U2SURP: variants seen among roughly 807,000 people sequenced by gnomAD.
U2SURP encodes the protein U2 snRNP associated SURP domain containing, also known as U2 snRNP-associated SURP motif-containing protein.
U2SURP carries 9 observed loss-of-function variants against 144.9 expected under a neutral mutation model. That is an observed-to-expected ratio of 0.06 (90% confidence interval 0.04 to 0.11). The LOEUF (loss-of-function observed/expected upper bound fraction) is 0.11. Ranked by LOEUF, U2SURP falls within the 10% of genes least tolerant of loss-of-function variation. U2SURP has a pLI of 1.00. For synonymous variants in U2SURP, 408 were observed against 396.8 expected, an observed-to-expected ratio of 1.03 and a Z score of -0.33; for missense variants, 724 against 1,226.7, an observed-to-expected ratio of 0.59 and a Z score of 6.12.
intron 23 of U2SURP, among the ~76,000 whole-genome samples, chr3:143,041,779 C>G (rs1225237985): frequency 6.6e-6 from 1 of 151,704 alleles, no homozygotes; most frequent in Admixed American, 6.6e-5. Context: ...TCCTTAGTAC[C>G]CAAATACCAA....
intron 27 of U2SURP, among the ~76,000 whole-genome samples, chr3:143,055,501 G>T (rs190316167): frequency 9.2e-5 from 14 of 152,170 alleles, no homozygotes; most frequent in African/African-American, 3.1e-4. Flanking sequence ...TTCTTGGGTA[G>T]ATATTTTTGG....
intron 23 of U2SURP, among the ~76,000 whole-genome samples, chr3:143,041,642 A>G (rs185206546): frequency 3.6e-4 from 55 of 152,130 alleles, no homozygotes; most frequent in Non-Finnish European, 5.6e-4. Context: ...CTCTCATACA[A>G]TGAAGGTCTT....
chr3:143,041,032 A>G (rs1177054264), intron 23 of U2SURP, among the ~76,000 whole-genome samples: 1 of 151,848 alleles, frequency 6.6e-6, no homozygotes, highest in Non-Finnish European at 1.5e-5. Flanking sequence ...TGGTAAACAT[A>G]CAAGGATGTT....
chr3:143,050,562 G>A (rs1435219410), intron 24 of U2SURP, among the ~76,000 whole-genome samples: 2 of 152,084 alleles, frequency 1.3e-5, no homozygotes, highest in Non-Finnish European at 2.9e-5. Context: ...TCCCATCCCC[G>A]CCTCTTTTTT....
Position 143,033,435 on chromosome 3 carries a change from C to T in U2SURP, c.1853+85C>T. The T allele has an allele frequency of 5.5e-6, 4 of 729,042 alleles. 1 individual carries two copies. In the African/African-American group the frequency reaches 7.2e-5, roughly 13 times the overall value. The allele number at this position is 729,042 out of a possible 1,614,324, so 45.2% of individuals were successfully genotyped here. ...GAAAAGAGGATTGTTTTGTTAACAT[C>T]CTGCAAGAATAAGAAGTACAGTCAG... is the stretch of plus-strand genomic sequence containing the variant. On this transcript the variant is annotated intron_variant, in intron 18 of 27. Coordinates refer to ENST00000473835, the MANE Select transcript of U2SURP (RefSeq NM_001080415.2).
intron 16 of U2SURP, among the ~76,000 whole-genome samples, 178 bp from the exon 17 acceptor site, chr3:143,032,606 A>C (rs1344726771): frequency 2.6e-5 from 4 of 152,208 alleles, no homozygotes; most frequent in Non-Finnish European, 5.9e-5. Context: ...TCTTATATAA[A>C]TTCTTCAAAA....
At chr3:143,055,169 A>T (rs1361826773) in intron 27 of U2SURP, 50 bp downstream of exon 27, 1 of 1,435,192 alleles carries the variant, frequency 7.0e-7, no homozygotes, top group East Asian at 2.7e-5. Context: ...TTTCCTTGTC[A>T]TTTCATCAGC....
rs1213996432 is a variant in U2SURP, at chr3:143,032,934, C to T, written c.1761C>T (p.Pro587=). 1.2e-6 allele frequency: 2 copies of T among 1,610,948 alleles called. No individual in the cohort carries two copies. The highest frequency in any genetic ancestry group is 1.1e-5 in the South Asian group (1 of 90,080). Residue 587 remains proline, a synonymous_variant, in exon 17 of 28, where the codon CCC becomes CCT. Transcript: ENST00000473835. The stretch of plus-strand genomic sequence containing the variant: ...AGTCGTTGTCCATCTTAAAGACACC[C>T]CTTCCTAAAAAGGTATGGGAATGAA... ...ITESLSILKT[P]LPKKIARLYL... is the part of the protein sequence containing the mutation.
chr3:143,054,969 G>C lies in U2SURP; in HGVS notation c.2801G>C (p.Ser934Thr). Reference sequence around the variant, plus strand: ...AAGAGGCGACACAGTACATCCCCCAGCCCATCTCGCAGTAGCAGTGGTAGA... The same window carrying C: ...AAGAGGCGACACAGTACATCCCCCACCCCATCTCGCAGTAGCAGTGGTAGA... ...ERKRRHSTSP[S>T]PSRSSSGRRV... Residue 934 changes from serine (S) to threonine (T), a missense_variant, in exon 27 of 28, where the codon AGC becomes ACC. Physicochemically the swap from Ser to Thr is moderately conservative, Grantham distance 58. Transcript: ENST00000473835. The C allele has an allele frequency of 6.2e-7, 1 of 1,609,068 alleles. No homozygotes were observed. Among genetic ancestry groups the C allele is most frequent in the Non-Finnish European group, 8.5e-7 (1 of 1,178,020 alleles).
chr3:143,032,096 G>A (rs1024062316), intron 16 of U2SURP, among the ~76,000 whole-genome samples: 4 of 151,542 alleles, frequency 2.6e-5, no homozygotes, highest in African/African-American at 7.3e-5. Flanking sequence ...CCCCTGAGAT[G>A]GAGTGTTGCT....
chr3:143,022,340 G>A (rs1261603275), intron 10 of U2SURP, among the ~76,000 whole-genome samples, 157 bp from the exon 11 acceptor site: 3 of 152,168 alleles, frequency 2.0e-5, no homozygotes, highest in East Asian at 1.9e-4. Context: ...AATGCCCCAC[G>A]CGGGATTTTA....
At chr3:143,002,193 G>A (rs1935569874) in intron 1 of U2SURP, 2 of 196,830 alleles carry the variant, frequency 1.0e-5, no homozygotes, top group Non-Finnish European at 2.1e-5. Context: ...AGTGGGAAAT[G>A]CAGAGGCGGG....
At chr3:143,017,140 T>G (rs1936411901) in intron 6 of U2SURP, 165 bp downstream of exon 6, 1 of 514,568 alleles carries the variant, frequency 1.9e-6, no homozygotes, top group Non-Finnish European at 3.2e-6. Flanking sequence ...AGATGAGAGT[T>G]AATGAATTGG....
chr3:143,036,699 T>C (rs1421459552), intron 20 of U2SURP, among the ~76,000 whole-genome samples: 1 of 152,174 alleles, frequency 6.6e-6, no homozygotes, highest in Non-Finnish European at 1.5e-5. Flanking sequence ...TCCTTCCCTC[T>C]TTCTGGGACT....
chr3:143,033,421 TG>T, intron 18 of U2SURP, 71 bp downstream of exon 18: 1 of 828,714 alleles, frequency 1.2e-6, no homozygotes, highest in Non-Finnish European at 1.9e-6. Context: ...AAAAGAGGAT[TG>T]TTTTGTTAAC....
intron 23 of U2SURP, among the ~76,000 whole-genome samples, chr3:143,040,020 CAG>C (rs539451330): frequency 9.4e-4 from 143 of 151,976 alleles, no homozygotes; most frequent in African/African-American, 3.4e-3. Context: ...TGCTTTAAAA[CAG>C]TGGTTTTCTG....
chr3:143,017,885 A>C (rs371441099), intron 6 of U2SURP, among the ~76,000 whole-genome samples: 26 of 152,024 alleles, frequency 1.7e-4, no homozygotes, highest in African/African-American at 5.8e-4. Flanking sequence ...TTGCCTCCCA[A>C]AGTGCTGGGA....
At chr3:143,041,792 T>A (rs184520004) in intron 23 of U2SURP, among the ~76,000 whole-genome samples, 1 of 152,032 alleles carries the variant, frequency 6.6e-6, no homozygotes, top group East Asian at 1.9e-4. Flanking sequence ...AATACCAACA[T>A]AGAAGGGCTT....
Position 143,027,385 on chromosome 3 carries a change from G to C in U2SURP, c.1379+132G>C. ...CAACCATCACCACCATCCATCTCCA[G>C]AACTTTTTTCATCTTCCAAAATGGA... On this transcript the variant is annotated intron_variant, in intron 14 of 27. Transcript: ENST00000473835. 7.6e-6 allele frequency: 5 copies of C among 659,260 alleles called. 1 individual carries two copies. In the South Asian group the frequency reaches 1.2e-4, roughly 15 times the overall value. The allele number at this position is 659,260 out of a possible 1,614,324, so 40.8% of individuals were successfully genotyped here. A position where few individuals can be genotyped will look rare whatever the true frequency, so the allele number is the denominator to read the frequency against.
Sources: gnomAD v4.1 joint callset for allele counts (sites outside exome capture counted in the v4.1 genomes callset) on GRCh38, gnomAD v4.1.1 for gene constraint, MANE v1.5 for transcripts, NCBI Gene and HGNC (gene_info 2026-07-23, HGNC 2026-07-21) for gene names.